The following GNA14 variants were observed in gnomAD, a reference collection of about 807,000 sequenced individuals.
GNA14 encodes the protein G protein subunit alpha 14.
In GNA14, 50 loss-of-function variants were observed where a neutral mutation model predicts 42.0. The observed-to-expected ratio is 1.19, with a 90% confidence interval of 0.95 to 1.51. GNA14 has a LOEUF of 1.51. GNA14 is among the 40% of genes most tolerant of loss of function. The pLI is 0.00. For synonymous variants in GNA14, 173 were observed against 163.1 expected (o/e 1.06, Z -0.46); for missense variants, 473 against 446.2 (o/e 1.06, Z -0.54).
intron 3 of GNA14, among the ~76,000 whole-genome samples, chr9:77,432,704 GC>G (rs141098996): frequency 2.0e-5 from 3 of 152,256 alleles, no homozygotes; most frequent in Non-Finnish European, 4.4e-5. Context: ...CCCTAGCCAC[GC>G]CCCTCGTCCA....
intron 2 of GNA14, among the ~76,000 whole-genome samples, chr9:77,473,610 GA>G (rs1263118599): frequency 2.1e-5 from 3 of 144,970 alleles, no homozygotes; most frequent in Non-Finnish European, 4.5e-5. Context: ...ATTTCACCTG[GA>G]TTTTTTTTTT....
chr9:77,620,008 T>G (rs578111925), intron 1 of GNA14, among the ~76,000 whole-genome samples: 1 of 152,222 alleles, frequency 6.6e-6, no homozygotes, highest in South Asian at 2.1e-4. Flanking sequence ...AGAAATCTAT[T>G]TCTACCGTTT....
At chr9:77,567,314 T>C (rs2131793382) in intron 1 of GNA14, among the ~76,000 whole-genome samples, 1 of 152,252 alleles carries the variant, frequency 6.6e-6, no homozygotes, top group East Asian at 1.9e-4. Context: ...TTTAATGACA[T>C]ATCAATATAA....
chr9:77,558,778 G>T (rs1338519802), intron 1 of GNA14, among the ~76,000 whole-genome samples: 1 of 152,032 alleles, frequency 6.6e-6, no homozygotes, highest in Non-Finnish European at 1.5e-5. Flanking sequence ...CTCTGAAAAA[G>T]TATGACAGAT....
intron 2 of GNA14, among the ~76,000 whole-genome samples, chr9:77,457,094 CACTT>C (rs1320515999): frequency 6.6e-6 from 1 of 152,208 alleles, no homozygotes; most frequent in African/African-American, 2.4e-5. Context: ...TTATACCTAA[CACTT>C]ACAAAGTTTC....
At chr9:77,472,656 T>C (rs1227608175) in intron 2 of GNA14, among the ~76,000 whole-genome samples, 2 of 152,186 alleles carry the variant, frequency 1.3e-5, no homozygotes, top group East Asian at 3.8e-4. Context: ...AATTAAAATG[T>C]TGAAGCCCTA....
At chr9:77,497,262 C>T (rs551763986) in intron 2 of GNA14, among the ~76,000 whole-genome samples, 1 of 152,298 alleles carries the variant, frequency 6.6e-6, no homozygotes, top group Admixed American at 6.5e-5. Context: ...ATGTGATCTG[C>T]CTTCTGGCTC....
intron 1 of GNA14, among the ~76,000 whole-genome samples, chr9:77,613,278 T>C (rs1186008310): frequency 6.6e-6 from 1 of 152,232 alleles, no homozygotes; most frequent in Non-Finnish European, 1.5e-5. Context: ...AATATGCTTC[T>C]CTACACTCAC....
intron 2 of GNA14, among the ~76,000 whole-genome samples, chr9:77,472,118 C>A (rs1284393435): frequency 6.6e-6 from 1 of 152,104 alleles, no homozygotes; most frequent in Non-Finnish European, 1.5e-5. Context: ...CAGCTTTGCA[C>A]CAGCTCTGTC....
chr9:77,455,918 C>CCCCTAATAGCGGTT (rs1835990597), intron 2 of GNA14, among the ~76,000 whole-genome samples: 1 of 152,202 alleles, frequency 6.6e-6, no homozygotes, highest in East Asian at 1.9e-4. Context: ...CCCAGCCTCA[C>CCCCTAATAGCGGTT]TCTTTCATTT....
At chr9:77,469,051 A>G (rs1836283087) in intron 2 of GNA14, among the ~76,000 whole-genome samples, 1 of 152,178 alleles carries the variant, frequency 6.6e-6, no homozygotes, top group South Asian at 2.1e-4. Context: ...CACGTCCACA[A>G]GGTGCTGCAT....
At chr9:77,645,164 A>AGAT (rs1251534564) in intron 1 of GNA14, among the ~76,000 whole-genome samples, 2 of 152,264 alleles carry the variant, frequency 1.3e-5, no homozygotes, top group African/African-American at 4.8e-5. Context: ...ATTGTGAAAG[A>AGAT]GATGGTGTCT....
chr9:77,530,134 C>T (rs1837506840), intron 1 of GNA14, among the ~76,000 whole-genome samples: 1 of 152,126 alleles, frequency 6.6e-6, no homozygotes, highest in African/African-American at 2.4e-5. Context: ...TGTGTCCCTA[C>T]CCAAATCTCA....
At chr9:77,515,997 G>C (rs1386285368) in intron 2 of GNA14, among the ~76,000 whole-genome samples, 1 of 115,134 alleles carries the variant, frequency 8.7e-6, no homozygotes, top group Admixed American at 9.3e-5. Flanking sequence ...AGAGCAGGAA[G>C]AGACAGCCAT....
chr9:77,574,994 A>C (rs1000581571), intron 1 of GNA14, among the ~76,000 whole-genome samples: 2 of 152,200 alleles, frequency 1.3e-5, no homozygotes, highest in Non-Finnish European at 2.9e-5. Context: ...TCTACCCTGT[A>C]GGGGGGAAGT....
intron 1 of GNA14, among the ~76,000 whole-genome samples, chr9:77,560,520 T>A (rs1247132900): frequency 2.6e-5 from 4 of 152,152 alleles, no homozygotes; most frequent in African/African-American, 9.6e-5. Context: ...TTTCCCATGT[T>A]GCCCAGGCTG....
rs184246291 is a variant in GNA14, at chr9:77,463,348, C to G, written c.310-28826G>C. On this transcript the variant is annotated intron_variant, in intron 2 of 6. Transcript: ENST00000341700. Reference sequence around the variant, plus strand: ...ATTCTCTACTCAAGACAGCCAAGAACCAGAGCTGCTCATAAAAAGCTTGGA... The same window carrying G: ...ATTCTCTACTCAAGACAGCCAAGAAGCAGAGCTGCTCATAAAAAGCTTGGA... Among the ~76,000 whole-genome samples, 136 of 152,202 alleles carry G rather than the reference C, an allele frequency of 8.9e-4. 1 individual carries two copies. The highest frequency in any genetic ancestry group is 3.1e-3 in the African/African-American group (129 of 41,526).
At chr9:77,538,436 A>G (rs112374661) in intron 1 of GNA14, among the ~76,000 whole-genome samples, 5,340 of 151,952 alleles carry the variant, frequency 0.035, 120 homozygotes, top group South Asian at 0.064. Flanking sequence ...TTCCACATGA[A>G]ACTTGGGATT....
At position 77,511,911 on chromosome 9, in the gene GNA14, A is replaced by G. The variant is rs1234707895; in HGVS notation, c.309+17158T>C. Among the ~76,000 whole-genome samples the G allele has an allele frequency of 2.0e-5, 3 of 152,140 alleles. No homozygotes were observed. In the South Asian group the frequency reaches 6.2e-4, roughly 32 times the overall value. ...CACAAAATGTTACAGATACTCCCCAAAGGCAGAAGGTAGACCCTCGATAAC... is the reference window on the plus strand; with the variant it reads ...CACAAAATGTTACAGATACTCCCCAGAGGCAGAAGGTAGACCCTCGATAAC... On this transcript the variant is annotated intron_variant, in intron 2 of 6. Coordinates refer to ENST00000341700, the MANE Select transcript of GNA14 (RefSeq NM_004297.4).
Sources: allele counts gnomAD v4.1 joint callset (sites outside exome capture counted in the v4.1 genomes callset), GRCh38; gene constraint gnomAD v4.1.1; transcripts MANE v1.5; gene names NCBI Gene and HGNC (gene_info 2026-07-23, HGNC 2026-07-21).